PIK3C2G: variants seen among roughly 807,000 people sequenced by gnomAD.
PIK3C2G encodes phosphatidylinositol 3-kinase C2 domain-containing subunit gamma.
A neutral mutation model predicts 181.1 loss-of-function variants in PIK3C2G; 168 were observed. That is an observed-to-expected ratio of 0.93 (90% CI 0.82 to 1.05). The LOEUF (loss-of-function observed/expected upper bound fraction) is 1.05. PIK3C2G is among the 50% of genes least tolerant of loss of function. The probability of loss-of-function intolerance (pLI) is 0.00; values close to 1 mark genes in which losing one functional copy is unlikely to be tolerated. For synonymous variants in PIK3C2G, 573 were observed against 592.2 expected (o/e 0.97, Z 0.47); for missense variants, 1,869 against 1,732.8 (o/e 1.08, Z -1.40).
intron 24 of PIK3C2G, among the ~76,000 whole-genome samples, chr12:18,523,099 A>AT (rs1943018936): frequency 6.6e-6 from 1 of 151,470 alleles, no homozygotes; most frequent in Admixed American, 6.6e-5. Flanking sequence ...GGTTTTTGGT[A>AT]TTTTTTATAT....
intron 5 of PIK3C2G, among the ~76,000 whole-genome samples, chr12:18,299,694 T>C (rs1223053631): frequency 1.3e-5 from 2 of 151,976 alleles, no homozygotes; most frequent in African/African-American, 4.8e-5. Context: ...TATTATTATG[T>C]TGAGGTATGT....
At chr12:18,389,846 T>C (rs1277592670) in intron 14 of PIK3C2G, among the ~76,000 whole-genome samples, 1 of 152,196 alleles carries the variant, frequency 6.6e-6, no homozygotes, top group Admixed American at 6.5e-5. Flanking sequence ...GGAATTCTTT[T>C]GTATGCTCAT....
In PIK3C2G at chr12:18,426,461, T is replaced by C. The variant is rs559815837; in HGVS notation, c.2504+2422T>C. Among the ~76,000 whole-genome samples, 22 of 152,332 alleles carry C rather than the reference T, an allele frequency of 1.4e-4. 1 individual carries two copies. Among genetic ancestry groups the C allele is most frequent in the Admixed American group, 1.2e-3 (18 of 15,306 alleles). The stretch of plus-strand genomic sequence containing the variant: ...TATTATCACCTACACTTGATTCTAT[T>C]GAACATAATATTCTTTGCATACTGT... On this transcript the variant is annotated intron_variant, in intron 18 of 32. Transcript: ENST00000538779.
intron 5 of PIK3C2G, among the ~76,000 whole-genome samples, chr12:18,312,324 A>G (rs899453251): frequency 1.3e-5 from 2 of 152,212 alleles, no homozygotes; most frequent in Admixed American, 1.3e-4. Context: ...GTAAGCACGC[A>G]GTAGCCATGT....
chr12:18,305,956 T>C (rs1950403935), intron 5 of PIK3C2G, among the ~76,000 whole-genome samples: 1 of 151,974 alleles, frequency 6.6e-6, no homozygotes, highest in South Asian at 2.1e-4. Context: ...ACCGACTTTC[T>C]TAGTAACTTC....
At chr12:18,407,990 G>A (rs59085608) in intron 16 of PIK3C2G, among the ~76,000 whole-genome samples, 16,903 of 152,108 alleles carry the variant, frequency 0.11, 1,290 homozygotes, top group Admixed American at 0.27. Flanking sequence ...TGGCCTTTAT[G>A]CTAGTAGCAA....
intron 16 of PIK3C2G, among the ~76,000 whole-genome samples, chr12:18,406,600 C>T (rs945507885): frequency 1.3e-5 from 2 of 151,976 alleles, no homozygotes; most frequent in South Asian, 2.1e-4. Context: ...GAGCTTCCAG[C>T]GTGCTTACAA....
In PIK3C2G at chr12:18,424,027, A is replaced by G. The variant is rs1223239138; in HGVS notation, c.2492A>G (p.His831Arg). ...HRSLQSIQVA[H>R]RLYWLLKNAE... is the part of the protein sequence containing the mutation. ...TCCTTGCAGAGCATCCAGGTTGCCCATCGTCTTTACTGGTAAGATTAACTA... is the reference window on the plus strand; with the variant it reads ...TCCTTGCAGAGCATCCAGGTTGCCCGTCGTCTTTACTGGTAAGATTAACTA... The change falls in exon 18 of 33, where the codon CAT becomes CGT. Residue 831 changes from histidine (H) to arginine (R), a missense_variant. Coordinates refer to ENST00000538779, the MANE Select transcript of PIK3C2G (RefSeq NM_001288772.2). 1.3e-5 allele frequency: 21 copies of G among 1,607,170 alleles called. No homozygotes were observed. Among genetic ancestry groups the G allele is most frequent in the Non-Finnish European group, 1.7e-5 (20 of 1,175,712 alleles).
chr12:18,610,996 T>TC (rs1948302961), intron 31 of PIK3C2G, among the ~76,000 whole-genome samples: 1 of 152,092 alleles, frequency 6.6e-6, no homozygotes, highest in African/African-American at 2.4e-5. Context: ...GTGATATTAC[T>TC]CAATGGTCAC....
chr12:18,526,773 C>A (rs1423587796), intron 24 of PIK3C2G, among the ~76,000 whole-genome samples: 1 of 152,070 alleles, frequency 6.6e-6, no homozygotes, highest in Admixed American at 6.6e-5. Flanking sequence ...TGTTACAAAG[C>A]GCTCTCACTT....
intron 31 of PIK3C2G, among the ~76,000 whole-genome samples, chr12:18,638,221 G>C (rs1949687440): frequency 6.6e-6 from 1 of 152,134 alleles, no homozygotes; most frequent in African/African-American, 2.4e-5. Flanking sequence ...TAGAGGTAAA[G>C]GGGTTCTCAG....
chr12:18,705,353 C>T, the PIK3C2G span: 3 of 1,610,940 alleles, frequency 1.9e-6, no homozygotes, highest in Non-Finnish European at 1.7e-6. Context: ...TTCATCAAAA[C>T]TTCTAAATAA....
intron 26 of PIK3C2G, among the ~76,000 whole-genome samples, chr12:18,552,253 T>C (rs1202800684): frequency 6.6e-6 from 1 of 152,174 alleles, no homozygotes; most frequent in African/African-American, 2.4e-5. Flanking sequence ...CCTCATTTAT[T>C]TCTCACGGCT....
At chr12:18,415,904 G>A (rs1373275086) in intron 16 of PIK3C2G, among the ~76,000 whole-genome samples, 1 of 152,166 alleles carries the variant, frequency 6.6e-6, no homozygotes, top group Non-Finnish European at 1.5e-5. Flanking sequence ...GAGAGATGAG[G>A]AAACTGCAGA....
chr12:18,266,161 A>G (rs1419285678), intron 1 of PIK3C2G, among the ~76,000 whole-genome samples: 1 of 152,068 alleles, frequency 6.6e-6, no homozygotes, highest in East Asian at 1.9e-4. Flanking sequence ...TTCTTAAAAC[A>G]TACTTTTAAT....
chr12:18,684,246 A>G, the PIK3C2G span: 1 of 1,610,430 alleles, frequency 6.2e-7, no homozygotes, highest in Non-Finnish European at 8.5e-7. Flanking sequence ...ATGAATAATA[A>G]ATGTGAATGT....
intron 29 of PIK3C2G, among the ~76,000 whole-genome samples, chr12:18,582,636 G>A (rs1037856367): frequency 2.0e-5 from 3 of 152,160 alleles, no homozygotes; most frequent in Admixed American, 6.5e-5. Flanking sequence ...ACAGAACCTG[G>A]CAGGATGAGA....
intron 24 of PIK3C2G, among the ~76,000 whole-genome samples, chr12:18,535,696 T>C (rs901684786): frequency 1.3e-5 from 2 of 151,932 alleles, no homozygotes; most frequent in African/African-American, 4.8e-5. Flanking sequence ...AAACACAGCA[T>C]AGAGAGTAGG....
At chr12:18,608,735 GA>G (rs2136590170) in intron 30 of PIK3C2G, among the ~76,000 whole-genome samples, 1 of 152,078 alleles carries the variant, frequency 6.6e-6, no homozygotes, top group East Asian at 1.9e-4. Flanking sequence ...ATAAAAGTGG[GA>G]AATAAAACAG....
Sources: gnomAD v4.1 joint callset for allele counts (sites outside exome capture counted in the v4.1 genomes callset) on GRCh38, gnomAD v4.1.1 for gene constraint, MANE v1.5 for transcripts, NCBI Gene and HGNC (gene_info 2026-07-23, HGNC 2026-07-21) for gene names.